Variants in MASP1 observed in about 807,000 individuals in gnomAD.
The protein encoded by MASP1 is mannan-binding lectin serine protease 1.
In MASP1, 59 loss-of-function variants were observed where a neutral mutation model predicts 77.1. That is an observed-to-expected ratio of 0.77 (90% CI 0.62 to 0.95). MASP1 has a LOEUF of 0.95. Ranked by LOEUF, MASP1 falls within the 40% of genes least tolerant of loss-of-function variation. The pLI, the probability that MASP1 is intolerant of heterozygous loss-of-function variation, is 0.00. For missense variants in MASP1, 885 were observed against 912.9 expected, an observed-to-expected ratio of 0.97 and a Z score of 0.39; for synonymous variants, 362 against 354.5, an observed-to-expected ratio of 1.02 and a Z score of -0.24.
At chr3:187,277,151 G>A (rs960172827) in intron 2 of MASP1, among the ~76,000 whole-genome samples, 15 of 152,170 alleles carry the variant, frequency 9.9e-5, no homozygotes, top group Non-Finnish European at 1.5e-4. Flanking sequence ...GGAAACTGAG[G>A]CCTTGAATGA....
chr3:187,287,336 C>T (rs1009767144), intron 1 of MASP1, among the ~76,000 whole-genome samples: 2 of 152,178 alleles, frequency 1.3e-5, no homozygotes, highest in Non-Finnish European at 2.9e-5. Flanking sequence ...GCTCACTCCT[C>T]ACCTACTTAT....
In MASP1 at chr3:187,256,771, G is replaced by A. The variant is rs28945069; in HGVS notation, c.637C>T (p.Leu213=). 2.2e-5 allele frequency: 35 copies of A among 1,613,792 alleles called. No homozygotes were observed. In the Admixed American group the frequency reaches 3.3e-4, roughly 15 times the overall value. ...CCCTCCTCCAGCTCGATGGTATACA[G>A]GCATTCAGAGCTCTTGGGGTAAGGG... ...PNPYPKSSEC[L]YTIELEEGFM... is the part of the protein sequence containing the mutation. The change falls in exon 5 of 11, where the codon CTG becomes TTG. Residue 213 remains leucine, a synonymous_variant. Transcript: ENST00000296280.
chr3:187,225,408 C>A (rs571403020), exon 13 of MASP1: 17 of 1,614,188 alleles, frequency 1.1e-5, no homozygotes, highest in Non-Finnish European at 1.4e-5. Flanking sequence ...ACCAGAGCCA[C>A]GTCATTCTCG....
intron 8 of MASP1, chr3:187,247,281 G>C (rs1714169402): frequency 6.2e-7 from 1 of 1,613,928 alleles, no homozygotes; most frequent in Non-Finnish European, 8.5e-7. Context: ...GGCCCCAGGG[G>C]TCTTGGGAGT....
At chr3:187,260,644 T>C in intron 4 of MASP1, 97 bp downstream of exon 4, 3 of 1,540,584 alleles carry the variant, frequency 1.9e-6, no homozygotes, top group Non-Finnish European at 2.7e-6. Context: ...CATTTTTACT[T>C]GTTCCTATTG....
At chr3:187,245,725 G>C (rs1714018816) in intron 8 of MASP1, among the ~76,000 whole-genome samples, 1 of 152,144 alleles carries the variant, frequency 6.6e-6, no homozygotes. Flanking sequence ...GCTTTAGGAA[G>C]GGTTTTATCC....
At chr3:187,221,752 A>T (rs929982257) in intron 14 of MASP1, among the ~76,000 whole-genome samples, 1 of 152,200 alleles carries the variant, frequency 6.6e-6, no homozygotes, top group African/African-American at 2.4e-5. Context: ...ATCTGTCTCG[A>T]TGCTGGATCT....
chr3:187,287,764 A>G (rs1385033815), intron 1 of MASP1, among the ~76,000 whole-genome samples: 1 of 152,260 alleles, frequency 6.6e-6, no homozygotes, highest in East Asian at 1.9e-4. Flanking sequence ...CCATACCAGC[A>G]TCTTCAGATT....
At chr3:187,254,974 G>T (rs1274174981) in intron 5 of MASP1, among the ~76,000 whole-genome samples, 1 of 152,152 alleles carries the variant, frequency 6.6e-6, no homozygotes, top group East Asian at 1.9e-4. Flanking sequence ...AGGCTCCCAT[G>T]TGTAGCTTCT....
At chr3:187,291,270 G>C (rs1464690429) in intron 1 of MASP1, 2 of 406,678 alleles carry the variant, frequency 4.9e-6, no homozygotes, top group Non-Finnish European at 9.4e-6. Flanking sequence ...AGAAAGCAAT[G>C]CTCTTTCCAG....
intron 4 of MASP1, among the ~76,000 whole-genome samples, chr3:187,259,902 C>T (rs926905560): frequency 6.6e-6 from 1 of 152,204 alleles, no homozygotes; most frequent in Non-Finnish European, 1.5e-5. Flanking sequence ...TTCCCTGAAA[C>T]ATTCCAAGTT....
rs1330890738 is a variant in MASP1 at position 187,234,417 on chromosome 3, A to ATCCCC, written c.*1266_*1267insGGGGA. On this transcript the variant is annotated 3_prime_UTR_variant, in exon 11 of 11. Coordinates refer to ENST00000296280, the MANE Select transcript of MASP1 (RefSeq NM_139125.4). ...GCTCTGAGTGCTCCAGCTAGAAGGAACCTGCAGGGGACCTTATGCCAGCCT... is the reference window on the plus strand; with the variant it reads ...GCTCTGAGTGCTCCAGCTAGAAGGAATCCCCCCTGCAGGGGACCTTATGCCAGCCT... The ATCCCC allele has an allele frequency of 1.6e-6, 2 of 1,286,510 alleles. No individual in the cohort carries two copies. Among genetic ancestry groups the ATCCCC allele is most frequent in the Admixed American group, 4.6e-5 (2 of 43,536 alleles). The allele number at this position is 1,286,510 out of a possible 1,614,324, so 79.7% of individuals were successfully genotyped here. A position where few individuals can be genotyped will look rare whatever the true frequency, so the allele number is the denominator to read the frequency against.
chr3:187,220,318 C>A, intron 15 of MASP1: 1 of 1,512,480 alleles, frequency 6.6e-7, no homozygotes. Flanking sequence ...CCCAAGTCTC[C>A]TTCTCCCATG....
At position 187,285,533 on chromosome 3, in the gene MASP1, A is replaced by T. The variant is rs879889541; in HGVS notation, c.237+292T>A. On this transcript the variant is annotated intron_variant, in intron 2 of 10. Transcript: ENST00000296280. ...TTTTCTGCTTGTTGAATTAAAGGTGATCTTGGAACAGAGGCTGGTAGAAAC... is the reference window on the plus strand; with the variant it reads ...TTTTCTGCTTGTTGAATTAAAGGTGTTCTTGGAACAGAGGCTGGTAGAAAC... 2.5e-4 allele frequency among the ~76,000 whole-genome samples: 38 copies of T among 151,862 alleles called. 1 individual carries two copies. The highest frequency in any genetic ancestry group is 1.2e-4 in the Non-Finnish European group (8 of 68,000).
In MASP1 at chr3:187,247,349, T is replaced by C. The variant is rs1009620335; in HGVS notation, c.1090+2902A>G. ...TCCCGTCATTCACTCTGTCACTTGCTCTGACTTGAGTTCGCTCTCCAGATC... is the reference window on the plus strand; with the variant it reads ...TCCCGTCATTCACTCTGTCACTTGCCCTGACTTGAGTTCGCTCTCCAGATC... On this transcript the variant is annotated intron_variant, in intron 8 of 10. Transcript: ENST00000296280. 1.9e-6 allele frequency: 3 copies of C among 1,613,946 alleles called. No individual in the cohort carries two copies. In the African/African-American group the frequency reaches 4.0e-5, roughly 22 times the overall value.
chr3:187,281,219 C>T (rs548523029), intron 2 of MASP1, among the ~76,000 whole-genome samples: 1 of 152,346 alleles, frequency 6.6e-6, no homozygotes, highest in African/African-American at 2.4e-5. Context: ...TGTGGGAAAT[C>T]AGGCAGGAGA....
At position 187,243,433 on chromosome 3, in the gene MASP1, G is replaced by A. The variant is rs367948183; in HGVS notation, c.1228+51C>T. On this transcript the variant is annotated intron_variant, in intron 9 of 10. Coordinates refer to ENST00000296280, the MANE Select transcript of MASP1 (RefSeq NM_139125.4). ...GTCTCGGCCCCCAGTCCAACCCTGA[G>A]GCCCCGAGAGTGTGAAACGGGAGTG... 85 of 1,608,626 alleles carry A rather than the reference G, an allele frequency of 5.3e-5. No individual in the cohort carries two copies. The African/African-American group carries it at 9.2e-4, about 17-fold the overall frequency.
intron 2 of MASP1, among the ~76,000 whole-genome samples, chr3:187,277,023 G>A (rs62292760): frequency 6.6e-6 from 1 of 151,964 alleles, no homozygotes; most frequent in South Asian, 2.1e-4. Flanking sequence ...TACACAGCAG[G>A]ATGCAGACTG....
At chr3:187,279,540 T>C (rs149254087) in intron 2 of MASP1, among the ~76,000 whole-genome samples, 7 of 152,192 alleles carry the variant, frequency 4.6e-5, no homozygotes, top group Non-Finnish European at 8.8e-5. Flanking sequence ...AATTCAACCT[T>C]TGACCACACG....
Sources: allele counts gnomAD v4.1 joint callset (sites outside exome capture counted in the v4.1 genomes callset), GRCh38; gene constraint gnomAD v4.1.1; transcripts MANE v1.5; gene names NCBI Gene and HGNC (gene_info 2026-07-23, HGNC 2026-07-21).